The following L3MBTL4 variants were observed in gnomAD, a reference collection of about 807,000 sequenced individuals.
L3MBTL4 encodes the protein L3MBTL histone methyl-lysine binding protein 4, also known as lethal(3)malignant brain tumor-like protein 4.
In L3MBTL4, 70 loss-of-function variants were observed where a neutral mutation model predicts 84.5. The ratio of observed to expected loss-of-function variants is 0.83; its 90% CI spans 0.68 to 1.01. The LOEUF (loss-of-function observed/expected upper bound fraction) is 1.01. L3MBTL4 is among the 50% of genes least tolerant of loss of function. The pLI, the probability that L3MBTL4 is intolerant of heterozygous loss-of-function variation, is 0.00. For missense variants in L3MBTL4, 715 were observed against 754.8 expected (o/e 0.95, Z 0.62); for synonymous variants, 274 against 259.8 (o/e 1.05, Z -0.52).
intron 17 of L3MBTL4, among the ~76,000 whole-genome samples, chr18:5,965,402 G>A (rs547883559): frequency 6.6e-6 from 1 of 152,198 alleles, no homozygotes; most frequent in African/African-American, 2.4e-5. Context: ...CAGACACGCT[G>A]TTTTAAGTCT....
chr18:6,046,783 CACTT>C (rs2056640807), intron 16 of L3MBTL4: 4 of 767,766 alleles, frequency 5.2e-6, no homozygotes, highest in Non-Finnish European at 7.3e-6. Flanking sequence ...ATGACATAAA[CACTT>C]ACCTCAAAAA....
At chr18:6,143,834 T>A (rs1598893175) in intron 13 of L3MBTL4, among the ~76,000 whole-genome samples, 1 of 144,998 alleles carries the variant, frequency 6.9e-6, no homozygotes, top group Non-Finnish European at 1.5e-5. Context: ...GCACCTATTA[T>A]CTGCCAGAAC....
At chr18:6,306,925 C>T (rs1179399241) in intron 3 of L3MBTL4, among the ~76,000 whole-genome samples, 1 of 152,158 alleles carries the variant, frequency 6.6e-6, no homozygotes, top group Non-Finnish European at 1.5e-5. Context: ...ATGCCCCAAC[C>T]CCATCCAATG....
intron 16 of L3MBTL4, among the ~76,000 whole-genome samples, chr18:6,051,711 T>A (rs1340773568): frequency 6.6e-6 from 1 of 152,168 alleles, no homozygotes; most frequent in Non-Finnish European, 1.5e-5. Flanking sequence ...GCCACCACCT[T>A]CCTGTATTTG....
intron 1 of L3MBTL4, among the ~76,000 whole-genome samples, chr18:6,389,927 A>T (rs1430619593): frequency 6.6e-6 from 1 of 152,194 alleles, no homozygotes; most frequent in Non-Finnish European, 1.5e-5. Context: ...ATGGACTTAA[A>T]CTACACACTA....
intron 18 of L3MBTL4, among the ~76,000 whole-genome samples, chr18:5,956,719 A>G (rs2144582878): frequency 6.6e-6 from 1 of 152,358 alleles, no homozygotes; most frequent in East Asian, 1.9e-4. Context: ...CTTAAAACCA[A>G]GTAAATCTCC....
intron 16 of L3MBTL4, among the ~76,000 whole-genome samples, chr18:5,976,409 G>C (rs538208779): frequency 1.8e-4 from 27 of 152,336 alleles, no homozygotes; most frequent in African/African-American, 5.8e-4. Flanking sequence ...GGGATGGTGT[G>C]TGTCCAGAAG....
At chr18:6,396,552 T>C (rs909227734) in intron 1 of L3MBTL4, 4 of 152,264 alleles carry the variant, frequency 2.6e-5, no homozygotes, top group African/African-American at 7.2e-5. Flanking sequence ...CAGCAGCTAG[T>C]AAGGAAGCAC....
rs145458863 is a variant in L3MBTL4 at position 5,967,672 on chromosome 18, GC to G, written c.1614+1720del. On this transcript the variant is annotated intron_variant, in intron 17 of 18. Coordinates refer to ENST00000317931, the MANE Select transcript of L3MBTL4 (RefSeq NM_001330559.2). ...TGCGAGGTCAGGCCAGAGTGCAGAT[GC>G]CCTGCCAGAGGTGACCTCTGGCTCA... is the stretch of plus-strand genomic sequence containing the variant. 5.2e-3 allele frequency among the ~76,000 whole-genome samples: 788 copies of G among 152,322 alleles called. 3 individuals carry two copies. The highest frequency in any genetic ancestry group is 0.018 in the African/African-American group (761 of 41,584).
intron 16 of L3MBTL4, among the ~76,000 whole-genome samples, chr18:6,014,885 C>G (rs549713518): frequency 6.6e-6 from 1 of 152,192 alleles, no homozygotes; most frequent in African/African-American, 2.4e-5. Flanking sequence ...ATGGTGGAAA[C>G]AGGAAGAGCG....
At chr18:6,258,448 G>A (rs1054258611) in intron 5 of L3MBTL4, among the ~76,000 whole-genome samples, 9 of 152,320 alleles carry the variant, frequency 5.9e-5, no homozygotes, top group African/African-American at 2.2e-4. Flanking sequence ...ATAGCAGGGA[G>A]GCAACGGACT....
intron 17 of L3MBTL4, among the ~76,000 whole-genome samples, chr18:5,962,547 A>C (rs1268140946): frequency 6.6e-6 from 1 of 152,094 alleles, no homozygotes; most frequent in Non-Finnish European, 1.5e-5. Context: ...CCCTGGTGGG[A>C]CGCTGGAATC....
chr18:6,413,317 C>G (rs2056048209), intron 1 of L3MBTL4, among the ~76,000 whole-genome samples: 1 of 152,124 alleles, frequency 6.6e-6, no homozygotes, highest in African/African-American at 2.4e-5. Flanking sequence ...CTCAATGTTG[C>G]CTCACATCTA....
chr18:5,985,333 A>G (rs1245924973), intron 16 of L3MBTL4, among the ~76,000 whole-genome samples: 3 of 152,168 alleles, frequency 2.0e-5, no homozygotes, highest in Non-Finnish European at 2.9e-5. Flanking sequence ...ATAGATTATT[A>G]AATATTGGGG....
chr18:6,048,288 C>T, intron 16 of L3MBTL4, among the ~76,000 whole-genome samples: 1 of 151,956 alleles, frequency 6.6e-6, no homozygotes, highest in East Asian at 1.9e-4. Context: ...AAATTAGTAT[C>T]ATTAAAATGG....
intron 1 of L3MBTL4, among the ~76,000 whole-genome samples, chr18:6,322,127 CAGG>C (rs1396580503): frequency 1.3e-5 from 2 of 151,656 alleles, no homozygotes; most frequent in Admixed American, 6.6e-5. Context: ...GAGGCACAGG[CAGG>C]AGAACTGCTT....
At chr18:6,063,517 T>C (rs2057303869) in intron 16 of L3MBTL4, among the ~76,000 whole-genome samples, 1 of 151,954 alleles carries the variant, frequency 6.6e-6, no homozygotes, top group Admixed American at 6.6e-5. Context: ...ACCACATCCA[T>C]GCCAACATCT....
chr18:6,067,502 C>T (rs2145941630), intron 16 of L3MBTL4, among the ~76,000 whole-genome samples: 1 of 152,176 alleles, frequency 6.6e-6, no homozygotes, highest in Non-Finnish European at 1.5e-5. Flanking sequence ...TCTTGAGATT[C>T]TTTTTTCTTC....
intron 17 of L3MBTL4, among the ~76,000 whole-genome samples, chr18:5,966,598 GGCACCCATCTTGA>G (rs2052366224): frequency 1.3e-5 from 2 of 152,186 alleles, no homozygotes; most frequent in South Asian, 4.2e-4. Flanking sequence ...AGCCTTTAAG[GGCACCCATCTTGA>G]GTTTATGTCC....
Sources: gnomAD v4.1 joint callset for allele counts (sites outside exome capture counted in the v4.1 genomes callset) on GRCh38, gnomAD v4.1.1 for gene constraint, MANE v1.5 for transcripts, NCBI Gene and HGNC (gene_info 2026-07-23, HGNC 2026-07-21) for gene names.